Variants in HIBCH observed in about 807,000 individuals in gnomAD.
HIBCH encodes the protein 3-hydroxyisobutyryl-CoA hydrolase.
In HIBCH, 50 loss-of-function variants were observed where a neutral mutation model predicts 58.2. That is an observed-to-expected ratio of 0.86 (90% CI 0.68 to 1.09). HIBCH has a LOEUF of 1.09. HIBCH is among the 50% of genes least tolerant of loss of function. The pLI is 0.00. For synonymous variants in HIBCH, 151 were observed against 146.9 expected (o/e 1.03, Z -0.20); for missense variants, 450 against 449.7 (o/e 1.00, Z -0.01).
At chr2:190,294,022 GTATATATATATATATA>G (rs1553505756) in intron 4 of HIBCH, among the ~76,000 whole-genome samples, 5 of 83,022 alleles carry the variant, frequency 6.0e-5, no homozygotes, top group South Asian at 8.5e-4. Context: ...TATTTTGTGT[GTATATATATATATATA>G]TATATATATA....
chr2:190,255,239 T>C (rs1382923596), intron 7 of HIBCH, among the ~76,000 whole-genome samples: 1 of 152,248 alleles, frequency 6.6e-6, no homozygotes, highest in Admixed American at 6.5e-5. Context: ...TTTGAGAGCA[T>C]GTTACATCAC....
At chr2:190,290,750 G>C (rs1466092532) in intron 4 of HIBCH, among the ~76,000 whole-genome samples, 1 of 152,194 alleles carries the variant, frequency 6.6e-6, no homozygotes, top group Non-Finnish European at 1.5e-5. Context: ...GGCTGGGCAT[G>C]GTGGCTCAAA....
downstream of HIBCH, chr2:190,202,101 T>A (rs1205843955): frequency 1.2e-5 from 2 of 167,020 alleles, no homozygotes; most frequent in African/African-American, 4.8e-5. Context: ...ATATTTTAAT[T>A]TCAGGTTCCT....
chr2:190,277,017 A>G (rs1447904253), intron 6 of HIBCH, among the ~76,000 whole-genome samples: 1 of 152,166 alleles, frequency 6.6e-6, no homozygotes, highest in Non-Finnish European at 1.5e-5. Context: ...TTTTTCCACA[A>G]ACTTTTTGAC....
chr2:190,317,563 A>C (rs291463), intron 1 of HIBCH, among the ~76,000 whole-genome samples: 110,005 of 152,110 alleles, frequency 0.72, 40,279 homozygotes, highest in Non-Finnish European at 0.75. Context: ...CCTCTGTGAG[A>C]TTCTGAGAAG....
At chr2:190,246,352 T>A in intron 9 of HIBCH, 140 bp from the exon 10 acceptor site, 1 of 614,930 alleles carries the variant, frequency 1.6e-6, no homozygotes, top group Non-Finnish European at 2.9e-6. Flanking sequence ...CATAAATAAC[T>A]ACCGCTGTAT....
At chr2:190,270,188 T>C (rs1385635406) in intron 6 of HIBCH, among the ~76,000 whole-genome samples, 2 of 152,022 alleles carry the variant, frequency 1.3e-5, no homozygotes, top group Non-Finnish European at 2.9e-5. Flanking sequence ...TACCTGCACG[T>C]TCTGCACATG....
intron 1 of HIBCH, chr2:190,311,021 C>T (rs917202953): frequency 4.3e-5 from 29 of 674,124 alleles, no homozygotes; most frequent in Admixed American, 8.2e-5. Context: ...AAAATGTGGA[C>T]GTAACCAAGA....
chr2:190,199,561 A>G, downstream of HIBCH: 1 of 322,634 alleles, frequency 3.1e-6, no homozygotes. Flanking sequence ...TCTTCTACTG[A>G]TAAGATAAAG....
downstream of HIBCH, chr2:190,199,572 C>CAAGT: frequency 7.9e-6 from 3 of 380,852 alleles, no homozygotes; most frequent in South Asian, 1.6e-4. Flanking sequence ...TAAGATAAAG[C>CAAGT]TGTTTGTTTT....
Position 190,216,227 on chromosome 2 carries a change from G to T in HIBCH, c.892-3152C>A, listed in dbSNP as rs1174265116. On this transcript the variant is annotated intron_variant, in intron 11 of 13. Transcript: ENST00000359678. The surrounding 1 kb of genome is among the most constrained non-coding windows in gnomAD (Gnocchi z 4.2). The stretch of plus-strand genomic sequence containing the variant: ...GCAAAGGGTGCAGTGTGGCCACTGA[G>T]GCGGGACAGAGCCTGGGAACCGGGC... 1 of 152,936 alleles carries T rather than the reference G, an allele frequency of 6.5e-6. No individual in the cohort carries two copies. The highest frequency in any genetic ancestry group is 1.5e-5 in the Non-Finnish European group (1 of 68,604). 9.5% of individuals were successfully genotyped at this position (152,936 alleles called of 1,614,324 possible).
intron 6 of HIBCH, among the ~76,000 whole-genome samples, chr2:190,265,655 GTAT>G (rs1341040136): frequency 6.6e-6 from 1 of 152,016 alleles, no homozygotes; most frequent in Non-Finnish European, 1.5e-5. Flanking sequence ...TACATTTAGT[GTAT>G]TATTTAAGTA....
At chr2:190,193,815 T>G (rs185685602) in intron 1 of HIBCH, among the ~76,000 whole-genome samples, 2 of 152,288 alleles carry the variant, frequency 1.3e-5, no homozygotes, top group Non-Finnish European at 2.9e-5. Context: ...TGTTCTTACC[T>G]ACTTCTGTCT....
intron 11 of HIBCH, 191 bp from the exon 12 acceptor site, chr2:190,213,266 C>T: frequency 1.8e-6 from 1 of 563,508 alleles, no homozygotes; most frequent in South Asian, 2.1e-5. Flanking sequence ...CATCATTCCA[C>T]AAGTGGAATA....
chr2:190,221,430 T>A (rs1232958297), intron 11 of HIBCH, among the ~76,000 whole-genome samples: 1 of 152,228 alleles, frequency 6.6e-6, no homozygotes, highest in Non-Finnish European at 1.5e-5. Flanking sequence ...TTAAACACAT[T>A]TCCCTTAGCT....
chr2:190,276,150 A>C (rs555481280), intron 6 of HIBCH, among the ~76,000 whole-genome samples: 3,837 of 152,300 alleles, frequency 0.025, 76 homozygotes, highest in Non-Finnish European at 0.041. Flanking sequence ...GTTGGCAACA[A>C]TTCTTTGGGA....
intron 3 of HIBCH, among the ~76,000 whole-genome samples, chr2:190,296,246 C>T (rs1293808064): frequency 6.6e-6 from 1 of 152,048 alleles, no homozygotes; most frequent in Non-Finnish European, 1.5e-5. Flanking sequence ...CGGTGAAACC[C>T]CGTCTCTACT....
intron 2 of HIBCH, among the ~76,000 whole-genome samples, chr2:190,301,248 G>A (rs1688254382): frequency 6.6e-6 from 1 of 152,100 alleles, no homozygotes; most frequent in Non-Finnish European, 1.5e-5. Context: ...TCTGCAGGGA[G>A]GGGAAGGAAA....
At position 190,314,284 on chromosome 2, in the gene HIBCH, T is replaced by TAC. The variant is rs1480762518; in HGVS notation, c.36-3489_36-3488insGT. On this transcript the variant is annotated intron_variant, in intron 1 of 13. Coordinates refer to ENST00000359678, the MANE Select transcript of HIBCH (RefSeq NM_014362.4). ...GACCAGTTACTACAAAAAAAATATA[T>TAC]ATATATGTATATATACATATATATG... 9.0e-3 allele frequency among the ~76,000 whole-genome samples: 918 copies of TAC among 102,330 alleles called. 16 individuals carry two copies. Among genetic ancestry groups the TAC allele is most frequent in the African/African-American group, 0.027 (875 of 32,298 alleles). The allele number at this position is 102,330 out of a possible 152,430, so 67.1% of individuals were successfully genotyped here. A position where few individuals can be genotyped will look rare whatever the true frequency, so the allele number is the denominator to read the frequency against.
Sources: allele counts gnomAD v4.1 joint callset (sites outside exome capture counted in the v4.1 genomes callset), GRCh38; gene constraint gnomAD v4.1.1; non-coding constraint Gnocchi (gnomAD v3.1); transcripts MANE v1.5; gene names NCBI Gene and HGNC (gene_info 2026-07-23, HGNC 2026-07-21).